The following ALDH1A2 variants were observed in gnomAD, a reference collection of about 807,000 sequenced individuals.
The protein encoded by ALDH1A2 is retinal dehydrogenase 2.
In ALDH1A2, 27 loss-of-function variants were observed where a neutral mutation model predicts 60.3. The ratio of observed to expected loss-of-function variants is 0.45; its 90% CI spans 0.33 to 0.62. ALDH1A2 has a LOEUF of 0.62. Ranked by LOEUF, ALDH1A2 falls within the 20% of genes least tolerant of loss-of-function variation. ALDH1A2 has a pLI of 0.02. For synonymous variants in ALDH1A2, 289 were observed against 232.4 expected (o/e 1.24, Z -2.21); for missense variants, 581 against 643.8 (o/e 0.90, Z 1.06).
At chr15:58,033,844 T>A (rs1175201003) in intron 1 of ALDH1A2, among the ~76,000 whole-genome samples, 1 of 117,062 alleles carries the variant, frequency 8.5e-6, no homozygotes, top group East Asian at 2.1e-4. Flanking sequence ...TCACTTATTT[T>A]TCTGTATTTT....
intron 7 of ALDH1A2, among the ~76,000 whole-genome samples, chr15:57,976,550 T>C (rs1677595155): frequency 6.6e-6 from 1 of 152,208 alleles, no homozygotes; most frequent in South Asian, 2.1e-4. Flanking sequence ...TTGCTGAGAA[T>C]GATGGTTTCC....
intron 1 of ALDH1A2, among the ~76,000 whole-genome samples, chr15:58,051,750 G>A (rs1412905706): frequency 6.6e-6 from 1 of 152,124 alleles, no homozygotes; most frequent in African/African-American, 2.4e-5. Flanking sequence ...ATGTGGTTTT[G>A]ATGTGAAGAA....
chr15:57,968,906 G>A (rs1313268061), intron 7 of ALDH1A2, among the ~76,000 whole-genome samples: 4 of 152,180 alleles, frequency 2.6e-5, no homozygotes, highest in Admixed American at 6.5e-5. Flanking sequence ...ATGATCATCA[G>A]AGAAGAATAC....
chr15:58,052,974 G>A (rs115683063), intron 1 of ALDH1A2, among the ~76,000 whole-genome samples: 1 of 152,130 alleles, frequency 6.6e-6, no homozygotes, highest in East Asian at 1.9e-4. Flanking sequence ...AACTATTAAT[G>A]ACTCTGCAAA....
chr15:57,989,379 C>T (rs879823359), intron 7 of ALDH1A2, among the ~76,000 whole-genome samples: 2 of 152,064 alleles, frequency 1.3e-5, no homozygotes, highest in Admixed American at 6.5e-5. Context: ...TTATGCCAAT[C>T]AAAATTCCAA....
rs1487663302 is a variant in ALDH1A2, at chr15:58,020,444, C to T, written c.118-6163G>A. ...ACACCAAGAACAAATCTGAAACACA[C>T]TGAAGAACGAGGAGAATATGTGAGG... is the stretch of plus-strand genomic sequence containing the variant. On this transcript the variant is annotated intron_variant, in intron 1 of 12. Coordinates refer to ENST00000249750, the MANE Select transcript of ALDH1A2 (RefSeq NM_003888.4). Among the ~76,000 whole-genome samples the T allele has an allele frequency of 2.6e-5, 4 of 152,218 alleles. No individual in the cohort carries two copies. In the East Asian group the frequency reaches 7.7e-4, roughly 29 times the overall value.
chr15:58,028,003 A>C (rs1896125338), intron 1 of ALDH1A2, among the ~76,000 whole-genome samples: 3 of 152,164 alleles, frequency 2.0e-5, no homozygotes. Flanking sequence ...GAACTTCCCC[A>C]ACCTAGCAAG....
chr15:58,029,459 A>C (rs1203009735), intron 1 of ALDH1A2, among the ~76,000 whole-genome samples: 1 of 152,090 alleles, frequency 6.6e-6, no homozygotes, highest in African/African-American at 2.4e-5. Context: ...TCTAAACTCA[A>C]CCCCCTAACA....
At chr15:58,003,563 T>C (rs777585732) in intron 4 of ALDH1A2, among the ~76,000 whole-genome samples, 5 of 151,892 alleles carry the variant, frequency 3.3e-5, no homozygotes, top group East Asian at 3.9e-4. Flanking sequence ...GCTTAAAACA[T>C]GGACATTTTT....
intron 4 of ALDH1A2, among the ~76,000 whole-genome samples, chr15:58,001,034 T>TAAAAAAAAAAAA (rs10641902): frequency 7.9e-6 from 1 of 126,228 alleles, no homozygotes. Flanking sequence ...TCAAAATTGT[T>TAAAAAAAAAAAA]AAAAAAAAAA....
chr15:58,014,046 G>A (rs1895717538), intron 2 of ALDH1A2, 48 bp from the exon 3 acceptor site: 1 of 1,614,002 alleles, frequency 6.2e-7, no homozygotes, highest in Non-Finnish European at 8.5e-7. Context: ...TCCAAATAAA[G>A]GAAGAACCAT....
chr15:58,011,893 G>A (rs1278474416), intron 3 of ALDH1A2, among the ~76,000 whole-genome samples: 1 of 152,200 alleles, frequency 6.6e-6, no homozygotes. Context: ...ACAGCTTAGA[G>A]TGAATAGTGT....
chr15:58,005,769 G>C (rs1285263689), intron 4 of ALDH1A2, among the ~76,000 whole-genome samples: 2 of 151,882 alleles, frequency 1.3e-5, no homozygotes, highest in Admixed American at 6.6e-5. Flanking sequence ...TACTATCTCT[G>C]ACACTCACTA....
At chr15:57,960,530 C>T (rs1893684020) in intron 12 of ALDH1A2, among the ~76,000 whole-genome samples, 1 of 152,120 alleles carries the variant, frequency 6.6e-6, no homozygotes, top group African/African-American at 2.4e-5. Context: ...CTAATCATAG[C>T]CTTTACTACA....
intron 1 of ALDH1A2, among the ~76,000 whole-genome samples, chr15:58,026,691 A>G (rs910812235): frequency 2.6e-5 from 4 of 152,200 alleles, no homozygotes; most frequent in African/African-American, 9.6e-5. Flanking sequence ...CCACAGTCTT[A>G]GCAAGCAGCA....
intron 7 of ALDH1A2, chr15:57,980,101 G>A (rs571520999): frequency 2.0e-5 from 6 of 299,594 alleles, no homozygotes; most frequent in South Asian, 1.1e-4. Context: ...CGCCATACAC[G>A]GTCATGCCCA....
Position 57,953,723 on chromosome 15 carries a change from G to C in ALDH1A2, c.*1474C>G, listed in dbSNP as rs1445268825. 1 of 152,312 alleles carries C rather than the reference G, an allele frequency of 6.6e-6. No individual in the cohort carries two copies. Among genetic ancestry groups the C allele is most frequent in the Non-Finnish European group, 1.5e-5 (1 of 68,034 alleles). 9.4% of individuals were successfully genotyped at this position (152,312 alleles called of 1,614,324 possible). On this transcript the variant is annotated 3_prime_UTR_variant, in exon 13 of 13. Coordinates refer to ENST00000249750, the MANE Select transcript of ALDH1A2 (RefSeq NM_003888.4). ...GATAAGAGTTATAAATAGAAAACTGGTACGGTTAAGAAGCAGAAGATCGTT... is the reference window on the plus strand; with the variant it reads ...GATAAGAGTTATAAATAGAAAACTGCTACGGTTAAGAAGCAGAAGATCGTT...
chr15:57,995,326 A>G (rs1391078412), intron 4 of ALDH1A2, among the ~76,000 whole-genome samples, 187 bp from the exon 5 acceptor site: 1 of 151,942 alleles, frequency 6.6e-6, no homozygotes, highest in Non-Finnish European at 1.5e-5. Flanking sequence ...ATTTCTGGAT[A>G]TATCTCTCAG....
chr15:58,046,555 A>G (rs560656356), intron 1 of ALDH1A2, among the ~76,000 whole-genome samples: 6 of 152,180 alleles, frequency 3.9e-5, no homozygotes, highest in African/African-American at 1.4e-4. Flanking sequence ...TTTTAATGCC[A>G]GTCTGCCTTT....
Sources: gnomAD v4.1 joint callset for allele counts (sites outside exome capture counted in the v4.1 genomes callset) on GRCh38, gnomAD v4.1.1 for gene constraint, MANE v1.5 for transcripts, NCBI Gene and HGNC (gene_info 2026-07-23, HGNC 2026-07-21) for gene names.